The following MAST4 variants were observed in gnomAD, a reference collection of about 807,000 sequenced individuals.
MAST4 encodes the protein microtubule associated serine/threonine kinase family member 4.
MAST4 carries 89 observed loss-of-function variants against 162.7 expected under a neutral mutation model. The observed-to-expected ratio is 0.55, with a 90% CI of 0.46 to 0.65. The LOEUF (loss-of-function observed/expected upper bound fraction) is 0.65. Among genes scored for constraint, MAST4 ranks in the 30% least tolerant of loss-of-function variants. The pLI, the probability that MAST4 is intolerant of heterozygous loss-of-function variation, is 0.00. For missense variants in MAST4, 3,153 were observed against 3,374.0 expected (o/e 0.93, Z 1.62); for synonymous variants, 1,479 against 1,361.1 (o/e 1.09, Z -1.91).
chr5:66,759,244 T>C (rs1753717980), intron 1 of MAST4, among the ~76,000 whole-genome samples: 1 of 152,252 alleles, frequency 6.6e-6, no homozygotes, highest in Admixed American at 6.5e-5. Context: ...AGTGATCTAT[T>C]GCTTCTCTAC....
chr5:66,815,107 A>AT (rs1209298770), intron 3 of MAST4, among the ~76,000 whole-genome samples: 1 of 152,240 alleles, frequency 6.6e-6, no homozygotes, highest in Non-Finnish European at 1.5e-5. Flanking sequence ...GCTAGAATGC[A>AT]TTATCAGTAA....
At chr5:67,037,870 A>G (rs377694117) in intron 4 of MAST4, among the ~76,000 whole-genome samples, 1 of 150,932 alleles carries the variant, frequency 6.6e-6, no homozygotes, top group Non-Finnish European at 1.5e-5. Flanking sequence ...TTGCCCAGGG[A>G]TTTTTTTTTC....
intron 1 of MAST4, among the ~76,000 whole-genome samples, chr5:66,733,208 T>G (rs1232413107): frequency 1.3e-5 from 2 of 152,104 alleles, no homozygotes; most frequent in South Asian, 2.1e-4. Flanking sequence ...ACCCCTTCAG[T>G]TGTCCTGCCT....
At chr5:66,905,920 C>G (rs908749539) in intron 4 of MAST4, among the ~76,000 whole-genome samples, 4 of 152,136 alleles carry the variant, frequency 2.6e-5, no homozygotes, top group Non-Finnish European at 5.9e-5. Context: ...TGTCTCTTGT[C>G]AGGCCTTAAA....
chr5:67,044,255 A>G (rs1016445327), intron 4 of MAST4, among the ~76,000 whole-genome samples: 1 of 152,046 alleles, frequency 6.6e-6, no homozygotes, highest in African/African-American at 2.4e-5. Context: ...CTAATCTGAA[A>G]TCCAAAAGCC....
At chr5:67,140,283 A>C (rs1400279616) in intron 19 of MAST4, among the ~76,000 whole-genome samples, 1 of 152,214 alleles carries the variant, frequency 6.6e-6, no homozygotes, top group African/African-American at 2.4e-5. Flanking sequence ...TTGGATAGGG[A>C]AACAGTTAAG....
At chr5:67,069,037 T>C (rs1030171) in intron 5 of MAST4, among the ~76,000 whole-genome samples, 49,307 of 151,488 alleles carry the variant, frequency 0.33, 9,329 homozygotes, top group African/African-American at 0.53. Context: ...GATACACGTA[T>C]ACCTAAGGAC....
chr5:66,877,761 A>G (rs1284237842), intron 3 of MAST4, among the ~76,000 whole-genome samples: 1 of 152,248 alleles, frequency 6.6e-6, no homozygotes, highest in Non-Finnish European at 1.5e-5. Context: ...AGATCAAGCA[A>G]CACAGAACAA....
rs1181323158 is a variant in MAST4, at chr5:67,145,378, A to G, written c.3093A>G (p.Ser1031=). 1 of 1,612,240 alleles carries G rather than the reference A, an allele frequency of 6.2e-7. No homozygotes were observed. The highest frequency in any genetic ancestry group is 1.3e-5 in the African/African-American group (1 of 75,008). Residue 1031 remains serine, a splice_region_variant and synonymous_variant, in exon 23 of 29, where the codon TCA becomes TCG. Coordinates refer to ENST00000403625, the MANE Select transcript of MAST4 (RefSeq NM_001164664.2). ...PASTISSSTL[S]VGSFSEHLDQ... is the part of the protein sequence containing the mutation. ...GCACCATCAGCAGCTCCACCCTGTCAGGTAAGCCCCGGGCCATAGTGCCTG... is the reference window on the plus strand; with the variant it reads ...GCACCATCAGCAGCTCCACCCTGTCGGGTAAGCCCCGGGCCATAGTGCCTG...
intron 4 of MAST4, among the ~76,000 whole-genome samples, chr5:66,941,036 G>T (rs902040180): frequency 2.0e-5 from 3 of 152,118 alleles, no homozygotes; most frequent in African/African-American, 7.2e-5. Context: ...CTGAGCACTA[G>T]GTCTCAACAG....
At chr5:66,987,407 A>C (rs56169637) in intron 4 of MAST4, among the ~76,000 whole-genome samples, 4,373 of 150,216 alleles carry the variant, frequency 0.029, 220 homozygotes, top group African/African-American at 0.096. Flanking sequence ...TAGGACATAA[A>C]CTGCTCAAAA....
chr5:67,111,034 AAAAATT>A (rs952247382), intron 11 of MAST4, among the ~76,000 whole-genome samples: 35 of 152,342 alleles, frequency 2.3e-4, no homozygotes, highest in African/African-American at 7.5e-4. Flanking sequence ...AAAAAATAAA[AAAAATT>A]AAAATTAAAA....
At chr5:67,017,022 T>C (rs1022669386) in intron 4 of MAST4, among the ~76,000 whole-genome samples, 5 of 152,220 alleles carry the variant, frequency 3.3e-5, no homozygotes, top group African/African-American at 1.2e-4. Context: ...GTCTTGAAGG[T>C]GCTATTGCTA....
At chr5:66,870,697 C>G (rs1760866149) in intron 3 of MAST4, 2 of 453,686 alleles carry the variant, frequency 4.4e-6, no homozygotes, top group Admixed American at 4.8e-5. Flanking sequence ...TCTCCCTTTT[C>G]TGACCATTTC....
intron 1 of MAST4, among the ~76,000 whole-genome samples, chr5:66,643,793 GA>G (rs566356164): frequency 8.9e-4 from 135 of 151,542 alleles, no homozygotes; most frequent in African/African-American, 3.0e-3. Flanking sequence ...AATGCAAATG[GA>G]AAATCCATTT....
chr5:67,002,520 C>T (rs1751408499), intron 4 of MAST4, among the ~76,000 whole-genome samples: 1 of 152,178 alleles, frequency 6.6e-6, no homozygotes, highest in African/African-American at 2.4e-5. Context: ...GTGTGATCAG[C>T]AGCCTGGTTG....
intron 4 of MAST4, among the ~76,000 whole-genome samples, chr5:66,971,965 G>A (rs566434369): frequency 6.6e-6 from 1 of 152,124 alleles, no homozygotes; most frequent in South Asian, 2.1e-4. Context: ...GTGAAACTCA[G>A]AGATGCCTCA....
chr5:66,731,538 G>A (rs1190787155), intron 1 of MAST4, among the ~76,000 whole-genome samples: 1 of 152,124 alleles, frequency 6.6e-6, no homozygotes, highest in African/African-American at 2.4e-5. Flanking sequence ...ATTCTATTCA[G>A]CTTTTCTATG....
intron 4 of MAST4, among the ~76,000 whole-genome samples, chr5:66,968,933 A>G (rs1399702847): frequency 6.6e-6 from 1 of 152,208 alleles, no homozygotes; most frequent in Non-Finnish European, 1.5e-5. Flanking sequence ...ACGGAAGAGG[A>G]TAAGTCACTC....
Sources: allele counts gnomAD v4.1 joint callset (sites outside exome capture counted in the v4.1 genomes callset), GRCh38; gene constraint gnomAD v4.1.1; transcripts MANE v1.5; gene names NCBI Gene and HGNC (gene_info 2026-07-23, HGNC 2026-07-21).